LCP1: variants seen among roughly 807,000 people sequenced by gnomAD.
The protein encoded by LCP1 is lymphocyte cytosolic protein 1, also known as plastin-2.
Under a neutral mutation model 72.0 loss-of-function variants are expected in LCP1, and 23 were observed. That is an observed-to-expected ratio of 0.32 (90% CI 0.23 to 0.45). The LOEUF is 0.45. Among genes scored for constraint, LCP1 ranks in the 20% least tolerant of loss-of-function variants. The probability of loss-of-function intolerance (pLI) is 1.00; values close to 1 mark genes in which losing one functional copy is unlikely to be tolerated. For missense variants in LCP1, 571 were observed against 748.3 expected, an observed-to-expected ratio of 0.76 and a Z score of 2.76; for synonymous variants, 245 against 275.4, an observed-to-expected ratio of 0.89 and a Z score of 1.09.
At chr13:46,156,061 C>G (rs1240351948) in intron 5 of LCP1, among the ~76,000 whole-genome samples, 1 of 152,190 alleles carries the variant, frequency 6.6e-6, no homozygotes, top group African/African-American at 2.4e-5. Flanking sequence ...ATACTTTAAA[C>G]TTGTCATCAG....
intron 15 of LCP1, among the ~76,000 whole-genome samples, chr13:46,130,119 G>T (rs1221817392): frequency 6.6e-6 from 1 of 152,204 alleles, no homozygotes; most frequent in Admixed American, 6.5e-5. Context: ...AGTTTGTGCA[G>T]TACTTCGTTG....
chr13:46,156,148 C>T lies in LCP1; in HGVS notation c.491+290G>A, dbSNP rs79318202. 5.5e-3 allele frequency among the ~76,000 whole-genome samples: 837 copies of T among 152,310 alleles called. 4 individuals carry two copies. Among genetic ancestry groups the T allele is most frequent in the African/African-American group, 0.019 (807 of 41,564 alleles). ...GTTTCCCCCACTTAATTATCTAATA[C>T]ATTGATTAGACATCTAATGCTTTTG... is the stretch of plus-strand genomic sequence containing the variant. On this transcript the variant is annotated intron_variant, in intron 5 of 15. Coordinates refer to ENST00000323076, the MANE Select transcript of LCP1 (RefSeq NM_002298.5).
chr13:46,142,785 C>A, intron 12 of LCP1: 1 of 469,986 alleles, frequency 2.1e-6, no homozygotes, highest in South Asian at 1.5e-5. Context: ...TTGGAGTCTC[C>A]ATCCTCTGCA....
At position 46,127,273 on chromosome 13, in the gene LCP1, A is replaced by T. The variant is rs991260419; in HGVS notation, c.*318T>A. On this transcript the variant is annotated 3_prime_UTR_variant, in exon 16 of 16. Transcript: ENST00000323076. ...GAAAGATTATATCAAAATTAATACC[A>T]CTGCAGCTTCTATCCTTGGCTAATG... The T allele has an allele frequency of 1.7e-5, 5 of 289,130 alleles. No homozygotes were observed. Among genetic ancestry groups the T allele is most frequent in the Admixed American group, 1.5e-4 (3 of 20,672 alleles). The allele number at this position is 289,130 out of a possible 1,614,324, so 17.9% of individuals were successfully genotyped here.
intron 12 of LCP1, chr13:46,142,885 T>C: frequency 2.4e-6 from 1 of 412,440 alleles, no homozygotes; most frequent in Non-Finnish European, 4.8e-6. Flanking sequence ...GAGAAATGGC[T>C]GTGTCAACCC....
At chr13:46,181,265 T>C (rs2045954201) in intron 1 of LCP1, among the ~76,000 whole-genome samples, 1 of 152,246 alleles carries the variant, frequency 6.6e-6, no homozygotes, top group African/African-American at 2.4e-5. Flanking sequence ...CTTAGTGTTA[T>C]GTGATAGTGG....
At chr13:46,153,226 T>G in intron 6 of LCP1, 1 of 238,112 alleles carries the variant, frequency 4.2e-6, no homozygotes, top group Non-Finnish European at 8.2e-6. Context: ...GCCTATATTT[T>G]TCCATCTTGC....
At chr13:46,155,793 A>G (rs1004269821) in intron 5 of LCP1, among the ~76,000 whole-genome samples, 5 of 152,184 alleles carry the variant, frequency 3.3e-5, no homozygotes, top group African/African-American at 1.2e-4. Flanking sequence ...GGTGTCCTCA[A>G]TGTTTGAGTT....
intron 10 of LCP1, 72 bp downstream of exon 10, chr13:46,146,836 G>T: frequency 1.4e-6 from 2 of 1,429,774 alleles, no homozygotes; most frequent in Non-Finnish European, 2.0e-6. Flanking sequence ...TGCTTAGGAA[G>T]TGAGTTTGAA....
chr13:46,173,880 CAGCAA>C (rs2045915499), intron 1 of LCP1, among the ~76,000 whole-genome samples: 1 of 152,170 alleles, frequency 6.6e-6, no homozygotes, highest in Non-Finnish European at 1.5e-5. Context: ...GAAAAATGTA[CAGCAA>C]TCTTAAGAAA....
chr13:46,178,907 T>A (rs2045943933), intron 1 of LCP1, among the ~76,000 whole-genome samples: 1 of 152,204 alleles, frequency 6.6e-6, no homozygotes, highest in Non-Finnish European at 1.5e-5. Context: ...CTAAGCTGAT[T>A]TTAAAAGTTG....
intron 1 of LCP1, among the ~76,000 whole-genome samples, chr13:46,161,260 C>T (rs2045836734): frequency 6.6e-6 from 1 of 152,072 alleles, no homozygotes; most frequent in Non-Finnish European, 1.5e-5. Flanking sequence ...CTCCTTGTCA[C>T]CTTCATCTGT....
In LCP1 at chr13:46,144,427, C is replaced by A. The variant is rs1208155015; in HGVS notation, c.1253+15G>T. 1 of 1,596,504 alleles carries A rather than the reference C, an allele frequency of 6.3e-7. No individual in the cohort carries two copies. The highest frequency in any genetic ancestry group is 2.2e-5 in the East Asian group (1 of 44,792). On this transcript the variant is annotated intron_variant, in intron 11 of 15. Transcript: ENST00000323076. The stretch of plus-strand genomic sequence containing the variant: ...TCTCTATCTTACATTAGAATGAGTT[C>A]CCAAATATTCCTACCTGTACAAATG...
Position 46,131,708 on chromosome 13 carries a change from C to T in LCP1, c.1627-770G>A, listed in dbSNP as rs549279424. On this transcript the variant is annotated intron_variant, in intron 14 of 15. Transcript: ENST00000323076. ...AATAAAATCATGTTATTTGCAGCAA[C>T]ATGGATGCAGCTGGAGGCCATTATC... 2.2e-4 allele frequency among the ~76,000 whole-genome samples: 34 copies of T among 152,250 alleles called. No homozygotes were observed. In the South Asian group the frequency reaches 6.8e-3, roughly 31 times the overall value.
At chr13:46,164,397 A>G (rs1055680660) in intron 1 of LCP1, among the ~76,000 whole-genome samples, 1 of 152,228 alleles carries the variant, frequency 6.6e-6, no homozygotes, top group African/African-American at 2.4e-5. Context: ...TAGAAAGTAC[A>G]TGTATTTTAA....
At chr13:46,148,929 T>C (rs1483209344) in intron 8 of LCP1, 1 of 202,484 alleles carries the variant, frequency 4.9e-6, no homozygotes, top group African/African-American at 2.4e-5. Flanking sequence ...GATTGAAGCA[T>C]TAACAAGCAA....
At chr13:46,176,808 A>G (rs1290576084) in intron 1 of LCP1, among the ~76,000 whole-genome samples, 1 of 151,820 alleles carries the variant, frequency 6.6e-6, no homozygotes, top group Admixed American at 6.6e-5. Flanking sequence ...TTTTCACTTT[A>G]GCTTATCCAG....
chr13:46,147,177 G>A, intron 9 of LCP1, 74 bp from the exon 10 acceptor site: 5 of 1,264,226 alleles, frequency 4.0e-6, no homozygotes, highest in Non-Finnish European at 4.3e-6. Context: ...AATGTGAAAA[G>A]AAATGGGAAT....
chr13:46,161,372 T>A (rs1185278527), intron 1 of LCP1, among the ~76,000 whole-genome samples: 1 of 152,198 alleles, frequency 6.6e-6, no homozygotes, highest in Non-Finnish European at 1.5e-5. Flanking sequence ...TCAATAAAAA[T>A]TTTATTTTAT....
Sources: allele counts gnomAD v4.1 joint callset (sites outside exome capture counted in the v4.1 genomes callset), GRCh38; gene constraint gnomAD v4.1.1; transcripts MANE v1.5; gene names NCBI Gene and HGNC (gene_info 2026-07-23, HGNC 2026-07-21).